NTM: variants seen among roughly 807,000 people sequenced by gnomAD.
NTM encodes neurotrimin.
In NTM, 13 loss-of-function variants were observed where a neutral mutation model predicts 42.1. The ratio of observed to expected loss-of-function variants is 0.31; its 90% confidence interval spans 0.20 to 0.49. NTM has a LOEUF of 0.49. NTM is among the 20% of genes least tolerant of loss of function. NTM has a pLI of 0.99. For missense variants in NTM, 373 were observed against 452.8 expected (o/e 0.82, Z 1.60); for synonymous variants, 187 against 179.2 (o/e 1.04, Z -0.35).
At chr11:132,063,403 C>G (rs1263856501) in intron 2 of NTM, among the ~76,000 whole-genome samples, 1 of 152,124 alleles carries the variant, frequency 6.6e-6, no homozygotes, top group Non-Finnish European at 1.5e-5. Flanking sequence ...TCCCACAAAG[C>G]TGGAAATGGG....
rs550847659 is a variant in NTM at position 131,666,434 on chromosome 11, C to T, written c.83-245130C>T. On this transcript the variant is annotated intron_variant, in intron 1 of 8. Transcript: ENST00000683400. Reference sequence around the variant, plus strand: ...GCTTCACTGAGGAGGAGATCATTGACCATAATATACCACAAATGCACAAGG... The same window carrying T: ...GCTTCACTGAGGAGGAGATCATTGATCATAATATACCACAAATGCACAAGG... 5.3e-5 allele frequency among the ~76,000 whole-genome samples: 8 copies of T among 152,260 alleles called. No homozygotes were observed. In the South Asian group the frequency reaches 1.7e-3, roughly 32 times the overall value.
intron 1 of NTM, among the ~76,000 whole-genome samples, chr11:131,727,788 A>G (rs796210219): frequency 8.5e-5 from 13 of 152,294 alleles, no homozygotes; most frequent in African/African-American, 3.1e-4. Context: ...CTCATTATGC[A>G]AAGCCCAGTT....
chr11:131,923,273 T>C (rs7342281), intron 2 of NTM, among the ~76,000 whole-genome samples: 3 of 152,358 alleles, frequency 2.0e-5, no homozygotes, highest in African/African-American at 7.2e-5. Context: ...AGTTTATTGC[T>C]CTCATTTATA....
intron 2 of NTM, among the ~76,000 whole-genome samples, chr11:131,957,034 T>A (rs180897321): frequency 1.2e-3 from 177 of 152,236 alleles, no homozygotes; most frequent in African/African-American, 4.0e-3. Context: ...ATGGTTTAGA[T>A]GGGGGAATAT....
chr11:132,314,435 T>C, intron 6 of NTM, 117 bp from the exon 7 acceptor site: 1 of 1,121,208 alleles, frequency 8.9e-7, no homozygotes, highest in Non-Finnish European at 1.2e-6. Context: ...AAATAATGGT[T>C]ATAATGATGT....
intron 1 of NTM, among the ~76,000 whole-genome samples, chr11:131,687,084 T>G: frequency 6.6e-6 from 1 of 152,076 alleles, no homozygotes; most frequent in Admixed American, 6.5e-5. Flanking sequence ...CTCACCTCAC[T>G]TGCGGGTCAG....
Position 131,370,773 on chromosome 11 carries a change from A to T in NTM, c.-34A>T. 1.3e-6 allele frequency: 2 copies of T among 1,583,748 alleles called. No individual in the cohort carries two copies. The highest frequency in any genetic ancestry group is 1.7e-6 in the Non-Finnish European group (2 of 1,156,586). The stretch of plus-strand genomic sequence containing the variant: ...GAAAGAAAGAAAAAAACCGAACCTG[A>T]CAAAAAAGAAGAAAAAGAAGAAGAA... On this transcript the variant is annotated 5_prime_UTR_variant, in exon 1 of 9. Coordinates refer to ENST00000683400, the MANE Select transcript of NTM (RefSeq NM_001352005.2).
At chr11:131,466,259 C>G (rs1428242441) in intron 1 of NTM, among the ~76,000 whole-genome samples, 1 of 152,098 alleles carries the variant, frequency 6.6e-6, no homozygotes, top group South Asian at 2.1e-4. Context: ...GAGAGATGAG[C>G]GGAGGAATTC....
intron 1 of NTM, among the ~76,000 whole-genome samples, chr11:131,472,235 T>C (rs1423481880): frequency 6.6e-6 from 1 of 152,196 alleles, no homozygotes; most frequent in African/African-American, 2.4e-5. Flanking sequence ...TTAATTACAC[T>C]GGGTATCCCC....
At chr11:131,938,333 C>A (rs1016075567) in intron 2 of NTM, among the ~76,000 whole-genome samples, 1 of 152,130 alleles carries the variant, frequency 6.6e-6, no homozygotes, top group Non-Finnish European at 1.5e-5. Context: ...ATGCACAGAG[C>A]CTGAGAGGAA....
intron 1 of NTM, among the ~76,000 whole-genome samples, chr11:131,563,057 C>T (rs971270380): frequency 3.3e-5 from 5 of 152,164 alleles, no homozygotes; most frequent in Admixed American, 6.5e-5. Context: ...CCCAGAGTGA[C>T]CTTGGGCAAA....
At chr11:132,322,382 GTC>G (rs1389564496) in intron 7 of NTM, among the ~76,000 whole-genome samples, 254 of 148,308 alleles carry the variant, frequency 1.7e-3, no homozygotes, top group African/African-American at 6.1e-3. Context: ...TGCAATCCTA[GTC>G]TCTGATAAAA....
intron 7 of NTM, among the ~76,000 whole-genome samples, chr11:132,325,045 T>G (rs1253658314): frequency 6.6e-6 from 1 of 151,510 alleles, no homozygotes; most frequent in African/African-American, 2.4e-5. Flanking sequence ...ACTTAAACGT[T>G]AGACCTAAAA....
At chr11:131,749,163 A>C (rs546924141) in intron 1 of NTM, among the ~76,000 whole-genome samples, 1 of 152,218 alleles carries the variant, frequency 6.6e-6, no homozygotes, top group Non-Finnish European at 1.5e-5. Flanking sequence ...TTCTGAATCA[A>C]CTCAGTACTG....
intron 1 of NTM, among the ~76,000 whole-genome samples, chr11:131,623,297 T>C (rs2062762983): frequency 6.6e-6 from 1 of 152,192 alleles, no homozygotes; most frequent in Non-Finnish European, 1.5e-5. Flanking sequence ...ACATCCTACC[T>C]CCCAGGACTG....
chr11:132,255,253 G>A (rs1388295296), intron 4 of NTM, among the ~76,000 whole-genome samples: 1 of 152,010 alleles, frequency 6.6e-6, no homozygotes, highest in African/African-American at 2.4e-5. Context: ...CTCTCTTTTG[G>A]CTCTCTTTTA....
chr11:132,147,216 A>T (rs10894513), intron 3 of NTM, among the ~76,000 whole-genome samples: 10,172 of 105,844 alleles, frequency 0.096, 363 homozygotes, highest in South Asian at 0.15. Flanking sequence ...TGTGTGTGTG[A>T]GAGAGAGAGA....
intron 2 of NTM, among the ~76,000 whole-genome samples, chr11:131,915,522 C>T (rs2056159416): frequency 6.6e-6 from 1 of 152,172 alleles, no homozygotes. Flanking sequence ...CTCCTTACCA[C>T]ATTTCTCTAT....
chr11:132,292,425 T>A (rs1210515761), intron 4 of NTM, among the ~76,000 whole-genome samples: 1 of 151,978 alleles, frequency 6.6e-6, no homozygotes, highest in Non-Finnish European at 1.5e-5. Context: ...CCCACCTCAG[T>A]GGAGCAGGAG....
Sources: allele counts gnomAD v4.1 joint callset (sites outside exome capture counted in the v4.1 genomes callset), GRCh38; gene constraint gnomAD v4.1.1; transcripts MANE v1.5; gene names NCBI Gene and HGNC (gene_info 2026-07-23, HGNC 2026-07-21).